DLGAP1: variants seen among roughly 807,000 people sequenced by gnomAD.
DLGAP1 encodes the protein disks large-associated protein 1.
DLGAP1 carries 11 observed loss-of-function variants against 90.8 expected under a neutral mutation model. That is an observed-to-expected ratio of 0.12 (90% confidence interval 0.08 to 0.20). DLGAP1 has a LOEUF of 0.20. Ranked by LOEUF, DLGAP1 falls within the 10% of genes least tolerant of loss-of-function variation. The pLI is 1.00. For synonymous variants in DLGAP1, 558 were observed against 540.7 expected, an observed-to-expected ratio of 1.03 and a Z score of -0.44; for missense variants, 1,050 against 1,333.8, an observed-to-expected ratio of 0.79 and a Z score of 3.31.
intron 4 of DLGAP1, among the ~76,000 whole-genome samples, chr18:3,871,217 A>G (rs889682684): frequency 3.9e-5 from 6 of 152,216 alleles, no homozygotes; most frequent in African/African-American, 1.4e-4. Flanking sequence ...TTCTCTTTTC[A>G]AAAAACTAAA....
At chr18:3,828,652 A>G (rs1304220158) in intron 4 of DLGAP1, among the ~76,000 whole-genome samples, 1 of 150,424 alleles carries the variant, frequency 6.6e-6, no homozygotes, top group African/African-American at 2.4e-5. Flanking sequence ...AAAAAAAAAA[A>G]AAAAAAAAAA....
In DLGAP1 at chr18:3,618,982, G is replaced by A. The variant is rs550785357; in HGVS notation, c.1592-36734C>T. Among the ~76,000 whole-genome samples, 93 of 151,920 alleles carry A rather than the reference G, an allele frequency of 6.1e-4. 1 individual carries two copies. In the South Asian group the frequency reaches 0.014, roughly 23 times the overall value. On this transcript the variant is annotated intron_variant, in intron 7 of 12. Coordinates refer to ENST00000315677, the MANE Select transcript of DLGAP1 (RefSeq NM_004746.4). ...TGATTAAGTTAATTGGGTCATTAGG[G>A]TCATAATCCAATATGACTGGCGTCC...
At chr18:4,415,951 T>C (rs1214407912) in intron 1 of DLGAP1, among the ~76,000 whole-genome samples, 3 of 152,152 alleles carry the variant, frequency 2.0e-5, no homozygotes, top group African/African-American at 7.2e-5. Context: ...GTCCTCTTTC[T>C]CTCTCTCCCT....
intron 1 of DLGAP1, among the ~76,000 whole-genome samples, chr18:4,157,171 G>C (rs576721079): frequency 6.6e-6 from 1 of 151,620 alleles, no homozygotes; most frequent in South Asian, 2.1e-4. Context: ...TTAACTCTGG[G>C]TGCTTGTCTT....
At chr18:3,648,986 C>T (rs11872926) in intron 7 of DLGAP1, among the ~76,000 whole-genome samples, 13,580 of 152,134 alleles carry the variant, frequency 0.089, 1,128 homozygotes, top group African/African-American at 0.22. Context: ...TTATTCAGCA[C>T]AGATTTGATT....
intron 1 of DLGAP1, among the ~76,000 whole-genome samples, chr18:4,343,398 T>C (rs1328848570): frequency 6.6e-6 from 1 of 151,974 alleles, no homozygotes; most frequent in African/African-American, 2.4e-5. Context: ...AGACAAGTTA[T>C]ACAGAGTGAG....
At chr18:3,862,467 C>A (rs1465731058) in intron 4 of DLGAP1, among the ~76,000 whole-genome samples, 1 of 152,166 alleles carries the variant, frequency 6.6e-6, no homozygotes, top group Non-Finnish European at 1.5e-5. Flanking sequence ...CAAAACTCAG[C>A]GTGAGAATGG....
rs941853019 is a variant in DLGAP1 at position 3,707,038 on chromosome 18, G to T, written c.1591+22097C>A. ...CAAAGTATTACGCATGCAATTGTGG[G>T]TTACATGGAGAATATAATGGAGAAA... On this transcript the variant is annotated intron_variant, in intron 7 of 12. Coordinates refer to ENST00000315677, the MANE Select transcript of DLGAP1 (RefSeq NM_004746.4). 3.3e-5 allele frequency among the ~76,000 whole-genome samples: 5 copies of T among 152,116 alleles called. No homozygotes were observed. The East Asian group carries it at 7.7e-4, about 23-fold the overall frequency.
At chr18:3,869,619 G>A (rs779687899) in intron 4 of DLGAP1, among the ~76,000 whole-genome samples, 10 of 152,178 alleles carry the variant, frequency 6.6e-5, no homozygotes, top group Non-Finnish European at 1.2e-4. Flanking sequence ...AGCTTTCTGC[G>A]TTTAGTCGGC....
At chr18:4,104,850 G>C (rs1036254412) in intron 2 of DLGAP1, among the ~76,000 whole-genome samples, 1 of 152,104 alleles carries the variant, frequency 6.6e-6, no homozygotes, top group Non-Finnish European at 1.5e-5. Flanking sequence ...AGTCTTTATA[G>C]TTCTGTCAAT....
chr18:3,835,732 TG>T lies in DLGAP1; in HGVS notation c.958-21460del, dbSNP rs1416464697. On this transcript the variant is annotated intron_variant, in intron 4 of 12. Coordinates refer to ENST00000315677, the MANE Select transcript of DLGAP1 (RefSeq NM_004746.4). Reference sequence around the variant, plus strand: ...TAACCAGTCACAATCATTGCATATATGAGGGCATCCCACATAAGTTTCATTA... The same window carrying T: ...TAACCAGTCACAATCATTGCATATATAGGGCATCCCACATAAGTTTCATTA... Among the ~76,000 whole-genome samples, 6 of 152,114 alleles carry T rather than the reference TG, an allele frequency of 3.9e-5. No individual in the cohort carries two copies. The East Asian group carries it at 9.6e-4, about 24-fold the overall frequency.
intron 1 of DLGAP1, among the ~76,000 whole-genome samples, chr18:4,337,095 C>A (rs1434225056): frequency 1.5e-5 from 2 of 134,632 alleles, no homozygotes; most frequent in South Asian, 2.3e-4. Context: ...GCCTGGGCGA[C>A]AGAGTGAGAC....
At chr18:3,994,708 G>A (rs1023280604) in intron 3 of DLGAP1, among the ~76,000 whole-genome samples, 33 of 151,998 alleles carry the variant, frequency 2.2e-4, no homozygotes, top group African/African-American at 5.6e-4. Flanking sequence ...CATTAATCAC[G>A]GACTTTTAAA....
intron 5 of DLGAP1, among the ~76,000 whole-genome samples, chr18:3,798,828 A>T (rs2066143700): frequency 6.6e-6 from 1 of 152,114 alleles, no homozygotes; most frequent in South Asian, 2.1e-4. Context: ...TAATTTAAAA[A>T]TTTTAACATT....
intron 1 of DLGAP1, among the ~76,000 whole-genome samples, chr18:4,157,458 A>C (rs1381611450): frequency 1.3e-5 from 2 of 152,158 alleles, no homozygotes; most frequent in East Asian, 1.9e-4. Context: ...GTCAGTTTCC[A>C]CTTTCTTTGC....
chr18:3,567,421 A>G, intron 9 of DLGAP1, 69 bp downstream of exon 9: 3 of 1,323,490 alleles, frequency 2.3e-6, no homozygotes, highest in Non-Finnish European at 3.2e-6. Flanking sequence ...TAGACTTATC[A>G]CGGGGAAAAA....
At chr18:3,566,854 C>T (rs1228807829) in intron 9 of DLGAP1, among the ~76,000 whole-genome samples, 2 of 152,030 alleles carry the variant, frequency 1.3e-5, no homozygotes, top group African/African-American at 4.8e-5. Flanking sequence ...CACCAAGAAA[C>T]TCCCAGTTTG....
chr18:3,502,381 A>G (rs759989978), intron 12 of DLGAP1, 112 bp downstream of exon 12: 5 of 1,504,560 alleles, frequency 3.3e-6, no homozygotes, highest in Non-Finnish European at 4.4e-6. Context: ...TTAATATGAT[A>G]TCAGCTCCAT....
chr18:3,521,494 T>A (rs1023538147), intron 10 of DLGAP1, among the ~76,000 whole-genome samples: 5 of 152,174 alleles, frequency 3.3e-5, no homozygotes, highest in African/African-American at 1.2e-4. Flanking sequence ...GAGTGTCTTC[T>A]TCACACCAAG....
Sources: allele counts gnomAD v4.1 joint callset (sites outside exome capture counted in the v4.1 genomes callset), GRCh38; gene constraint gnomAD v4.1.1; transcripts MANE v1.5; gene names NCBI Gene and HGNC (gene_info 2026-07-23, HGNC 2026-07-21).